The following EP400 variants were observed in gnomAD, a reference collection of about 807,000 sequenced individuals.
EP400 encodes the protein E1A binding protein p400, also known as E1A-binding protein p400.
In EP400, 105 loss-of-function variants were observed where a neutral mutation model predicts 354.1. That is an observed-to-expected ratio of 0.30 (90% CI 0.25 to 0.35). The LOEUF (loss-of-function observed/expected upper bound fraction) is 0.35, where lower values mean the gene tolerates loss of function less well. Ranked by LOEUF, EP400 falls within the 10% of genes least tolerant of loss-of-function variation. The pLI, the probability that EP400 is intolerant of heterozygous loss-of-function variation, is 1.00. For synonymous variants in EP400, 1,646 were observed against 1,716.9 expected (o/e 0.96, Z 1.02); for missense variants, 3,280 against 4,121.0 (o/e 0.80, Z 5.59).
In EP400 at chr12:132,038,536, T is replaced by A. The variant is rs1238357673; in HGVS notation, c.6207+440T>A. Among the ~76,000 whole-genome samples, 1 of 152,240 alleles carries A rather than the reference T, an allele frequency of 6.6e-6. No homozygotes were observed. The highest frequency in any genetic ancestry group is 1.5e-5 in the Non-Finnish European group (1 of 68,042). ...TAAGGTGCTGGTTGATTGCAAAGAC[T>A]GAGTATAAGAAAGAACACAGACTAT... is the stretch of plus-strand genomic sequence containing the variant. On this transcript the variant is annotated intron_variant, in intron 32 of 52. Coordinates refer to ENST00000389561, the MANE Select transcript of EP400 (RefSeq NM_015409.5). The surrounding 1 kb of genome is among the most constrained non-coding windows in gnomAD (Gnocchi z 4.2).
Position 132,006,709 on chromosome 12 carries a change from A to G in EP400, c.3136A>G (p.Asn1046Asp). Reference sequence around the variant, plus strand: ...TTGTTCATCACTGCAGGTCAAGTTTAATGCTCCATCTTTGTTGTATGGGGC... The same window carrying G: ...TTGTTCATCACTGCAGGTCAAGTTTGATGCTCCATCTTTGTTGTATGGGGC... ...SARVTTSVKF[N>D]APSLLYGALR... Residue 1046 changes from asparagine (N) to aspartate (D), a missense_variant, in exon 15 of 53, where the codon AAT becomes GAT. By Grantham distance (23) the Asn-to-Asp change is conservative (BLOSUM62 1). Coordinates refer to ENST00000389561, the MANE Select transcript of EP400 (RefSeq NM_015409.5). 2 of 1,593,120 alleles carry G rather than the reference A, an allele frequency of 1.3e-6. No homozygotes were observed. Among genetic ancestry groups the G allele is most frequent in the Non-Finnish European group, 1.7e-6 (2 of 1,172,244 alleles).
chr12:131,976,913 G>A (rs1327261102), intron 2 of EP400, among the ~76,000 whole-genome samples: 1 of 152,088 alleles, frequency 6.6e-6, no homozygotes, highest in Admixed American at 6.5e-5. Flanking sequence ...TTGTCCTCTT[G>A]TTCAAGCCAG....
chr12:132,027,479 G>A lies in EP400; in HGVS notation c.5057G>A (p.Gly1686Glu), dbSNP rs1894345670. Reference sequence around the variant, plus strand: ...GTGGCGGTGAATGCCTTGGCTGTAGGAGAACCCGGAACGGCCTCCAAACCA... The same window carrying A: ...GTGGCGGTGAATGCCTTGGCTGTAGAAGAACCCGGAACGGCCTCCAAACCA... ...GRVAVNALAV[G>E]EPGTASKPAS... The change falls in exon 26 of 53, where the codon GGA becomes GAA. Residue 1686 changes from glycine to glutamate, a missense_variant. Around this residue, in one of 20 missense-constraint regions of EP400, gnomAD observed 459 missense variants for 496.9 expected, o/e 0.92. Transcript: ENST00000389561. This position sits in a 1 kb window ranked among gnomAD's most constrained non-coding sequence, Gnocchi z 4.9. 5.0e-6 allele frequency: 8 copies of A among 1,614,040 alleles called. No individual in the cohort carries two copies. Among genetic ancestry groups the A allele is most frequent in the Non-Finnish European group, 5.9e-6 (7 of 1,180,008 alleles).
At position 132,077,608 on chromosome 12, in the gene EP400, C is replaced by T. The variant is rs772090918; in HGVS notation, c.9307C>T (p.Pro3103Ser). 6.2e-7 allele frequency: 1 copy of T among 1,613,982 alleles called. No homozygotes were observed. The highest frequency in any genetic ancestry group is 8.5e-7 in the Non-Finnish European group (1 of 1,179,968). The change falls in exon 53 of 53, where the codon CCC becomes TCC. Residue 3103 changes from proline (P) to serine (S), a missense_variant. Pro to Ser is a moderately conservative substitution (Grantham distance 74). Transcript: ENST00000389561. ...CAGCTCCGACAGCCCAAGCCAGCAG[C>T]CCAAGTTACAGATGAGGGTCCCTGC... is the stretch of plus-strand genomic sequence containing the variant. ...PASSDSPSQQ[P>S]KLQMRVPAVR...
In EP400 at chr12:132,038,382, C is replaced by A. The variant is rs1593365536; in HGVS notation, c.6207+286C>A. ...CTTTGCCACAGTCTCAGCTCCTTCCCCTCCCCATGGAAATCTATCCCTGCC... is the reference window on the plus strand; with the variant it reads ...CTTTGCCACAGTCTCAGCTCCTTCCACTCCCCATGGAAATCTATCCCTGCC... On this transcript the variant is annotated intron_variant, in intron 32 of 52. Coordinates refer to ENST00000389561, the MANE Select transcript of EP400 (RefSeq NM_015409.5). The surrounding 1 kb of genome is among the most constrained non-coding windows in gnomAD (Gnocchi z 4.2). Among the ~76,000 whole-genome samples, 1 of 152,222 alleles carries A rather than the reference C, an allele frequency of 6.6e-6. No homozygotes were observed. Among genetic ancestry groups the A allele is most frequent in the African/African-American group, 2.4e-5 (1 of 41,464 alleles).
intron 22 of EP400, 85 bp downstream of exon 22, chr12:132,020,303 A>G: frequency 6.9e-7 from 1 of 1,447,972 alleles, no homozygotes; most frequent in Non-Finnish European, 9.2e-7. Context: ...GCGCCTCTGG[A>G]TGCGGTAATT....
At position 132,025,839 on chromosome 12, in the gene EP400, G is replaced by C; in HGVS notation, c.5014+35G>C. Reference sequence around the variant, plus strand: ...TCTGAGCAGGAGGGAGACTTGGCTTGGATGCTTCTTTCTCTTCCATCTAAG... The same window carrying C: ...TCTGAGCAGGAGGGAGACTTGGCTTCGATGCTTCTTTCTCTTCCATCTAAG... On this transcript the variant is annotated intron_variant, in intron 25 of 52. Coordinates refer to ENST00000389561, the MANE Select transcript of EP400 (RefSeq NM_015409.5). This position sits in a 1 kb window ranked among gnomAD's most constrained non-coding sequence, Gnocchi z 4.1. 2 of 1,538,512 alleles carry C rather than the reference G, an allele frequency of 1.3e-6. No individual in the cohort carries two copies. Among genetic ancestry groups the C allele is most frequent in the Non-Finnish European group, 8.7e-7 (1 of 1,145,856 alleles).
At position 132,025,994 on chromosome 12, in the gene EP400, A is replaced by G. The variant is rs529587647; in HGVS notation, c.5014+190A>G. 6.6e-6 allele frequency among the ~76,000 whole-genome samples: 1 copy of G among 152,296 alleles called. No homozygotes were observed. The highest frequency in any genetic ancestry group is 2.1e-4 in the South Asian group (1 of 4,826). On this transcript the variant is annotated intron_variant, in intron 25 of 52. Transcript: ENST00000389561. This position sits in a 1 kb window ranked among gnomAD's most constrained non-coding sequence, Gnocchi z 4.1. ...TTATTTTCTTTTTCTTGTGCTTTCA[A>G]AGGTATTGGTTGGATATAACCAGCC... is the stretch of plus-strand genomic sequence containing the variant.
At position 131,961,942 on chromosome 12, in the gene EP400, T is replaced by A; in HGVS notation, c.1323T>A (p.Val441=). The A allele has an allele frequency of 6.2e-7, 1 of 1,611,758 alleles. No individual in the cohort carries two copies. The highest frequency in any genetic ancestry group is 8.5e-7 in the Non-Finnish European group (1 of 1,178,982). ...AAGAGGAGGAAGAAAAATCTGAGGT[T>A]ATCAATGACGAGGTAAGAAACAGGA... ...EEEEEEEKSE[V]INDEQQALAG... The change falls in exon 2 of 53, where the codon GTT becomes GTA. Residue 441 remains valine, a synonymous_variant. Coordinates refer to ENST00000389561, the MANE Select transcript of EP400 (RefSeq NM_015409.5).
intron 25 of EP400, among the ~76,000 whole-genome samples, chr12:132,026,800 A>T (rs1353049494): frequency 6.6e-6 from 1 of 151,906 alleles, no homozygotes; most frequent in African/African-American, 2.4e-5. Context: ...GTTTTTCCCT[A>T]AGGTGACTCT....
chr12:132,043,373 C>CA lies in EP400; in HGVS notation c.6278dup (p.His2093GlnfsTer3). On this transcript the variant is annotated frameshift_variant, in exon 33 of 53. Transcript: ENST00000389561. LOFTEE classifies it high-confidence loss of function. ...CGCACAGGAGGGGGTGCTGGGACCA[C>CA]ACACTGATGCTCTGTCATCAGACTC... 1 of 1,614,026 alleles carries CA rather than the reference C, an allele frequency of 6.2e-7. No individual in the cohort carries two copies. Among genetic ancestry groups the CA allele is most frequent in the Non-Finnish European group, 8.5e-7 (1 of 1,180,046 alleles).
In EP400 at chr12:132,052,786, G is replaced by A. The variant is rs1047569448; in HGVS notation, c.7395-360G>A. On this transcript the variant is annotated intron_variant, in intron 41 of 52. Coordinates refer to ENST00000389561, the MANE Select transcript of EP400 (RefSeq NM_015409.5). This position sits in a 1 kb window ranked among gnomAD's most constrained non-coding sequence, Gnocchi z 4.4. ...CCCGCCCTCCCTTTACCTCCCTGGA[G>A]AGGAACTCGAGGGCATCCTCACAGA... is the stretch of plus-strand genomic sequence containing the variant. 6.6e-6 allele frequency among the ~76,000 whole-genome samples: 1 copy of A among 152,212 alleles called. No homozygotes were observed. The highest frequency in any genetic ancestry group is 2.4e-5 in the African/African-American group (1 of 41,460).
chr12:132,038,120 G>A lies in EP400; in HGVS notation c.6207+24G>A. 6.2e-7 allele frequency: 1 copy of A among 1,613,858 alleles called. No individual in the cohort carries two copies. The highest frequency in any genetic ancestry group is 8.5e-7 in the Non-Finnish European group (1 of 1,179,788). ...AGGTAAGAATACATTGAATCTGGCT[G>A]AAGAGTTGCACGGTGGGAGCCGGCG... On this transcript the variant is annotated intron_variant, in intron 32 of 52. Coordinates refer to ENST00000389561, the MANE Select transcript of EP400 (RefSeq NM_015409.5). This position sits in a 1 kb window ranked among gnomAD's most constrained non-coding sequence, Gnocchi z 4.2.
chr12:132,006,310 G>T lies in EP400; in HGVS notation c.3126+8G>T, dbSNP rs370653362. 1.2e-6 allele frequency: 2 copies of T among 1,613,164 alleles called. No homozygotes were observed. Among genetic ancestry groups the T allele is most frequent in the Admixed American group, 1.7e-5 (1 of 59,942 alleles). ...GCTCGGGTCACAACCTCGGTGAGGC[G>T]CTAAGCTTTCAAGTGTGGGATGGGC... On this transcript the variant is annotated splice_region_variant and intron_variant, in intron 14 of 52. Transcript: ENST00000389561.
Position 131,979,782 on chromosome 12 carries a change from C to A in EP400, c.1424C>A (p.Thr475Lys). The A allele has an allele frequency of 6.2e-7, 1 of 1,607,328 alleles. No individual in the cohort carries two copies. Among genetic ancestry groups the A allele is most frequent in the East Asian group, 2.3e-5 (1 of 44,298 alleles). ...LFKRQQAMPS[T>K]GMAEQSKRPR... The stretch of plus-strand genomic sequence containing the variant: ...AAGAGGCAGCAGGCGATGCCCTCCA[C>A]AGGTATGGCAGGTACGTCGGCACGG... The change falls in exon 3 of 53, where the codon ACA becomes AAA. Residue 475 changes from threonine (T) to lysine (K), a missense_variant. This residue lies in a region of EP400 where 800 missense variants were observed against 840.0 expected (regional missense o/e 0.95). Coordinates refer to ENST00000389561, the MANE Select transcript of EP400 (RefSeq NM_015409.5).
intron 2 of EP400, among the ~76,000 whole-genome samples, chr12:131,965,484 G>C (rs1327926142): frequency 6.6e-6 from 1 of 152,140 alleles, no homozygotes; most frequent in Non-Finnish European, 1.5e-5. Context: ...ATTTGCTTAT[G>C]TTTGTTTAAA....
chr12:132,020,937 C>T (rs1252628631), intron 22 of EP400, 142 bp from the exon 23 acceptor site: 2 of 1,176,994 alleles, frequency 1.7e-6, no homozygotes, highest in Non-Finnish European at 2.3e-6. Context: ...TATATGGCCC[C>T]TCTTTTTTTC....
rs1378626481 is a variant in EP400 at position 131,990,007 on chromosome 12, G to T, written c.2453G>T (p.Arg818Leu). ...VVRHHEEKQLREERGKKEEQS... is the reference protein window; with the variant it reads ...VVRHHEEKQLLEERGKKEEQS... The stretch of plus-strand genomic sequence containing the variant: ...CGCCATCACGAGGAGAAGCAGCTCC[G>T]TGAAGAAAGGGGGAAGAAGGAAGAG... The change falls in exon 8 of 53, where the codon CGT becomes CTT. Residue 818 changes from arginine (R) to leucine (L), a missense_variant. This residue lies in a region of EP400 where 800 missense variants were observed against 840.0 expected (regional missense o/e 0.95). Transcript: ENST00000389561. This position sits in a 1 kb window ranked among gnomAD's most constrained non-coding sequence, Gnocchi z 4.2. 1 of 1,613,636 alleles carries T rather than the reference G, an allele frequency of 6.2e-7. No homozygotes were observed. Among genetic ancestry groups the T allele is most frequent in the East Asian group, 2.2e-5 (1 of 44,876 alleles).
At chr12:132,006,439 A>G (rs1007220626) in intron 14 of EP400, 137 bp downstream of exon 14, 1 of 1,119,610 alleles carries the variant, frequency 8.9e-7, no homozygotes, top group Non-Finnish European at 1.2e-6. Context: ...GCAATTCTTC[A>G]TGTGCCTGTA....
Sources: gnomAD v4.1 joint callset for allele counts (sites outside exome capture counted in the v4.1 genomes callset) on GRCh38, gnomAD v4.1.1 for gene constraint, gnomAD v4.1.1 regional missense constraint, Gnocchi (gnomAD v3.1) non-coding constraint, MANE v1.5 for transcripts, NCBI Gene and HGNC (gene_info 2026-07-23, HGNC 2026-07-21) for gene names.